MYZAP: variants seen among roughly 807,000 people sequenced by gnomAD.
MYZAP encodes the protein GRINL1A complex locus upstream.
In MYZAP, 66 loss-of-function variants were observed where a neutral mutation model predicts 69.4. The observed-to-expected ratio is 0.95, with a 90% CI of 0.78 to 1.17. MYZAP has a LOEUF of 1.17. MYZAP is among the 50% of genes most tolerant of loss of function. The pLI, the probability that MYZAP is intolerant of heterozygous loss-of-function variation, is 0.00. For missense variants in MYZAP, 611 were observed against 556.2 expected (o/e 1.10, Z -0.99); for synonymous variants, 256 against 205.9 (o/e 1.24, Z -2.09).
chr15:57,639,920 GTC>G (rs60801458), intron 10 of MYZAP, among the ~76,000 whole-genome samples: 49 of 149,294 alleles, frequency 3.3e-4, no homozygotes, highest in Admixed American at 4.7e-4. Flanking sequence ...CCGTCTGTCT[GTC>G]TCTCTCTCTC....
rs1471870935 is a variant in MYZAP, at chr15:57,591,956, C to A, written c.-79C>A. 2.6e-5 allele frequency: 32 copies of A among 1,234,968 alleles called. No individual in the cohort carries two copies. Among genetic ancestry groups the A allele is most frequent in the African/African-American group, 1.4e-4 (9 of 63,368 alleles). The allele number at this position is 1,234,968 out of a possible 1,614,324, so 76.5% of individuals were successfully genotyped here. ...AGCCGGCGCCGTCCCGCGTCGCCCC[C>A]GCGCAGGGCGGGCCCCGCACGCTTA... On this transcript the variant is annotated 5_prime_UTR_variant, in exon 1 of 13. Transcript: ENST00000267853.
intron 4 of MYZAP, among the ~76,000 whole-genome samples, chr15:57,622,677 T>C (rs1382189218): frequency 6.6e-6 from 1 of 152,206 alleles, no homozygotes. Context: ...ACTTATGTGC[T>C]GTTGGAAGTC....
At chr15:57,658,351 A>C (rs1433242245) in intron 10 of MYZAP, among the ~76,000 whole-genome samples, 1 of 152,136 alleles carries the variant, frequency 6.6e-6, no homozygotes, top group African/African-American at 2.4e-5. Context: ...CTATCATCAC[A>C]CCTAACAAAA....
rs141098493 is a variant in MYZAP at position 57,684,742 on chromosome 15, C to A, written c.*244C>A. ...GGCATACCCTGCCGTACTGCATCAT[C>A]ATTTGTTTTCTTTGTAGACACTGAA... On this transcript the variant is annotated 3_prime_UTR_variant, in exon 13 of 13. Coordinates refer to ENST00000267853, the MANE Select transcript of MYZAP (RefSeq NM_001018100.5). The A allele has an allele frequency of 6.0e-6, 2 of 334,402 alleles. No individual in the cohort carries two copies. Among genetic ancestry groups the A allele is most frequent in the East Asian group, 1.1e-4 (2 of 18,498 alleles). The allele number at this position is 334,402 out of a possible 1,614,324, so 20.7% of individuals were successfully genotyped here.
At chr15:57,610,286 A>G (rs1595862666) in intron 2 of MYZAP, among the ~76,000 whole-genome samples, 1 of 152,192 alleles carries the variant, frequency 6.6e-6, no homozygotes, top group Non-Finnish European at 1.5e-5. Context: ...GTTGAAAAGG[A>G]GGAAGTCCTT....
At chr15:57,646,825 C>G in intron 10 of MYZAP, 1 of 985,426 alleles carries the variant, frequency 1.0e-6, no homozygotes. Flanking sequence ...CAACCAACTT[C>G]ACGAAAAGGA....
chr15:57,642,931 C>T (rs768665372), intron 10 of MYZAP, among the ~76,000 whole-genome samples: 3 of 152,092 alleles, frequency 2.0e-5, no homozygotes, highest in African/African-American at 4.8e-5. Context: ...ATATATCTTA[C>T]GGTGTCAAGG....
intron 1 of MYZAP, among the ~76,000 whole-genome samples, chr15:57,600,649 C>G (rs1761549806): frequency 6.6e-6 from 1 of 152,188 alleles, no homozygotes. Flanking sequence ...AATAATCAAC[C>G]AACCGAAAGT....
intron 11 of MYZAP, among the ~76,000 whole-genome samples, chr15:57,669,773 A>C (rs1279553713): frequency 1.3e-5 from 2 of 152,122 alleles, no homozygotes; most frequent in African/African-American, 2.4e-5. Context: ...ATAAACCTTT[A>C]AAGCTATAAA....
chr15:57,668,893 TA>T (rs1425568346), intron 11 of MYZAP, among the ~76,000 whole-genome samples: 1,849 of 61,040 alleles, frequency 0.03, 28 homozygotes, highest in African/African-American at 0.095. Context: ...TATATATATA[TA>T]TTTTTTTTTT....
chr15:57,624,759 A>C (rs1446636153), intron 4 of MYZAP, among the ~76,000 whole-genome samples: 3 of 152,156 alleles, frequency 2.0e-5, no homozygotes, highest in Admixed American at 6.5e-5. Flanking sequence ...CAGCCAGATT[A>C]AGATTGCTAA....
At chr15:57,611,563 A>T (rs2035108890) in intron 2 of MYZAP, among the ~76,000 whole-genome samples, 2 of 151,542 alleles carry the variant, frequency 1.3e-5, no homozygotes, top group Admixed American at 6.6e-5. Flanking sequence ...GTACGCTAGC[A>T]CTCCTATCAG....
chr15:57,629,498 G>A (rs533265745), intron 5 of MYZAP, among the ~76,000 whole-genome samples: 2 of 152,250 alleles, frequency 1.3e-5, no homozygotes, highest in Admixed American at 1.3e-4. Context: ...GAGGTTTTCA[G>A]TCCCTCCAAG....
chr15:57,680,627 A>C (rs2039385991), intron 12 of MYZAP: 1 of 152,210 alleles, frequency 6.6e-6, no homozygotes, highest in Non-Finnish European at 1.5e-5. Context: ...TTTACAAAGA[A>C]AAATGAAAAA....
At chr15:57,640,170 C>G (rs540380054) in intron 10 of MYZAP, among the ~76,000 whole-genome samples, 2 of 152,092 alleles carry the variant, frequency 1.3e-5, no homozygotes, top group Admixed American at 6.5e-5. Context: ...AATGAGAAAA[C>G]GGGTAAGTTG....
In MYZAP at chr15:57,684,851, A is replaced by G. The variant is rs373000428; in HGVS notation, c.*353A>G. ...GAAAAGGACATTAATTTGAAGTTTC[A>G]TGTTATTCATGCCAGGATTGTTTGA... On this transcript the variant is annotated 3_prime_UTR_variant, in exon 13 of 13. Coordinates refer to ENST00000267853, the MANE Select transcript of MYZAP (RefSeq NM_001018100.5). 4.0e-5 allele frequency: 7 copies of G among 174,042 alleles called. No individual in the cohort carries two copies. In the East Asian group the frequency reaches 8.3e-4, roughly 21 times the overall value. 10.8% of individuals were successfully genotyped at this position (174,042 alleles called of 1,614,324 possible).
intron 1 of MYZAP, among the ~76,000 whole-genome samples, chr15:57,600,995 T>A (rs560846454): frequency 6.6e-6 from 1 of 152,188 alleles, no homozygotes; most frequent in Admixed American, 6.5e-5. Flanking sequence ...GGAGAATCAC[T>A]TGAGCCCAGG....
chr15:57,638,313 T>G (rs1162782468), intron 9 of MYZAP, among the ~76,000 whole-genome samples: 1 of 152,062 alleles, frequency 6.6e-6, no homozygotes, highest in East Asian at 1.9e-4. Context: ...GATTTGAGTG[T>G]TTTGGGCAAG....
chr15:57,599,661 G>C, intron 1 of MYZAP: 1 of 1,289,198 alleles, frequency 7.8e-7, no homozygotes, highest in Non-Finnish European at 1.0e-6. Flanking sequence ...GTGTATCCGA[G>C]TTTCAGGAGA....
Sources: gnomAD v4.1 joint callset for allele counts (sites outside exome capture counted in the v4.1 genomes callset) on GRCh38, gnomAD v4.1.1 for gene constraint, MANE v1.5 for transcripts, NCBI Gene and HGNC (gene_info 2026-07-23, HGNC 2026-07-21) for gene names.